Variants in KDM6A observed in about 807,000 individuals in gnomAD.
The protein encoded by KDM6A is lysine demethylase 6A, also known as lysine-specific demethylase 6A.
Under a neutral mutation model 117.6 loss-of-function variants are expected in KDM6A, and 11 were observed. That is an observed-to-expected ratio of 0.09 (90% CI 0.06 to 0.15). The LOEUF (loss-of-function observed/expected upper bound fraction) is 0.15. Among genes scored for constraint, KDM6A ranks in the 10% least tolerant of loss-of-function variants. The probability of loss-of-function intolerance (pLI) is 1.00; values close to 1 mark genes in which losing one functional copy is unlikely to be tolerated. For synonymous variants in KDM6A, 384 were observed against 396.1 expected (o/e 0.97, Z 0.36); for missense variants, 799 against 1,077.3 (o/e 0.74, Z 3.62).
At chrX:44,966,511 T>C (rs2039018778) in intron 3 of KDM6A, among the ~76,000 whole-genome samples, 1 of 111,145 alleles carries the variant, frequency 9.0e-6, no homozygotes, top group South Asian at 3.8e-4. Context: ...TTTTCTTTTT[T>C]GGAAGGGAGG....
At chrX:44,951,474 A>T (rs1231070702) in intron 2 of KDM6A, among the ~76,000 whole-genome samples, 1 of 111,684 alleles carries the variant, frequency 9.0e-6, no homozygotes, top group Non-Finnish European at 1.9e-5. Flanking sequence ...TGTCTTTTGA[A>T]TATGGGAACT....
At chrX:44,883,562 T>C (rs984441406) in intron 2 of KDM6A, among the ~76,000 whole-genome samples, 2 of 109,615 alleles carry the variant, frequency 1.8e-5, no homozygotes, top group Non-Finnish European at 3.8e-5. Context: ...TTAGTAGAGA[T>C]GGGGTTTCAC....
intron 2 of KDM6A, among the ~76,000 whole-genome samples, chrX:44,880,042 G>A (rs772427072): frequency 5.0e-4 from 54 of 108,520 alleles, no homozygotes; most frequent in Non-Finnish European, 9.2e-4. Flanking sequence ...GCGTGGTGGC[G>A]TGCACCTGTA....
At position 45,051,715 on chromosome X, in the gene KDM6A, T is replaced by A. The variant is rs752296871; in HGVS notation, c.661T>A (p.Tyr221Asn). 6.1e-6 allele frequency: 7 copies of A among 1,149,376 alleles called. No individual in the cohort carries two copies. Among genetic ancestry groups the A allele is most frequent in the Non-Finnish European group, 7.1e-6 (6 of 843,298 alleles). 94.7% of individuals were successfully genotyped at this position (1,149,376 alleles called of 1,213,427 possible). A position where few individuals can be genotyped will look rare whatever the true frequency, so the allele number is the denominator to read the frequency against. ...CTCTTTTTCTGTTCTTTAGAGGAAATATCATTCTGCAAAAGAAGCTTATGA... is the reference window on the plus strand; with the variant it reads ...CTCTTTTTCTGTTCTTTAGAGGAAAAATCATTCTGCAAAAGAAGCTTATGA... ...IAHLYETQRK[Y>N]HSAKEAYEQL... Residue 221 changes from tyrosine (Y) to asparagine (N), a missense_variant, in exon 9 of 30, where the codon TAT becomes AAT. This residue lies in a region of KDM6A where 63 missense variants were observed against 68.2 expected (regional missense o/e 0.92). Coordinates refer to ENST00000611820, the MANE Select transcript of KDM6A (RefSeq NM_001291415.2).
intron 2 of KDM6A, among the ~76,000 whole-genome samples, chrX:44,923,971 C>T (rs767658741): frequency 8.0e-5 from 9 of 111,862 alleles, no homozygotes; most frequent in Non-Finnish European, 1.5e-4. Context: ...GATCCATCTG[C>T]CACGGCCTCC....
At chrX:44,964,778 A>G (rs1259459115) in intron 3 of KDM6A, among the ~76,000 whole-genome samples, 1 of 111,803 alleles carries the variant, frequency 8.9e-6, no homozygotes, top group East Asian at 2.8e-4. Flanking sequence ...GATTTTCTGA[A>G]TGGTAAATGA....
intron 3 of KDM6A, among the ~76,000 whole-genome samples, chrX:44,964,598 G>A (rs2038912916): frequency 9.0e-6 from 1 of 111,646 alleles, no homozygotes; most frequent in East Asian, 2.8e-4. Context: ...TGCATTGTCG[G>A]TGAGCAATAA....
At chrX:44,900,305 T>C (rs1293770755) in intron 2 of KDM6A, among the ~76,000 whole-genome samples, 1 of 112,006 alleles carries the variant, frequency 8.9e-6, no homozygotes, top group African/African-American at 3.2e-5. Context: ...CGTACAGATA[T>C]GTTTCTGTAT....
Position 44,925,697 on chromosome X carries a change from C to A in KDM6A, c.226-35587C>A, listed in dbSNP as rs765629736. Among the ~76,000 whole-genome samples, 3 of 111,125 alleles carry A rather than the reference C, an allele frequency of 2.7e-5. No individual in the cohort carries two copies. The South Asian group carries it at 1.1e-3, about 42-fold the overall frequency. The stretch of plus-strand genomic sequence containing the variant: ...GTATAGGAGTGAAAGGATCAAGTGC[C>A]ACATAGAATAAGTGTCCTAATGCAA... On this transcript the variant is annotated intron_variant, in intron 2 of 29. Transcript: ENST00000611820.
chrX:45,081,806 TCTCA>T (rs1196577159), intron 21 of KDM6A, among the ~76,000 whole-genome samples: 2 of 109,407 alleles, frequency 1.8e-5, no homozygotes, highest in African/African-American at 3.3e-5. Flanking sequence ...TTTAGACGAG[TCTCA>T]CTCTGTCGCC....
intron 6 of KDM6A, among the ~76,000 whole-genome samples, chrX:45,028,795 C>T (rs1251394914): frequency 8.9e-6 from 1 of 112,395 alleles, no homozygotes; most frequent in Non-Finnish European, 1.9e-5. Context: ...GCCTGCCCAA[C>T]TTTGGTTTTC....
At chrX:44,877,515 CA>C (rs2031787222) in intron 2 of KDM6A, among the ~76,000 whole-genome samples, 1 of 103,640 alleles carries the variant, frequency 9.6e-6, no homozygotes, top group Non-Finnish European at 2.0e-5. Flanking sequence ...TTTTTTAGTA[CA>C]TTTTTGAAAA....
intron 3 of KDM6A, among the ~76,000 whole-genome samples, chrX:44,971,710 C>T (rs1369548072): frequency 9.0e-6 from 1 of 110,647 alleles, no homozygotes; most frequent in East Asian, 2.8e-4. Flanking sequence ...ACCCTGGGGT[C>T]GTTTGTTGGT....
At chrX:44,905,310 C>G (rs1013279599) in intron 2 of KDM6A, among the ~76,000 whole-genome samples, 2 of 112,132 alleles carry the variant, frequency 1.8e-5, no homozygotes, top group Non-Finnish European at 3.8e-5. Context: ...CATATTTTTA[C>G]TGTACCTTTT....
At chrX:44,923,881 C>T (rs1569441255) in intron 2 of KDM6A, among the ~76,000 whole-genome samples, 1 of 111,164 alleles carries the variant, frequency 9.0e-6, no homozygotes, top group African/African-American at 3.3e-5. Context: ...TGCCACCTCG[C>T]CTGGCTAATT....
intron 8 of KDM6A, among the ~76,000 whole-genome samples, chrX:45,048,951 G>C (rs775634146): frequency 9.1e-6 from 1 of 110,364 alleles, no homozygotes; most frequent in South Asian, 3.8e-4. Context: ...ATTGTATTTT[G>C]CTTCTACTTG....
chrX:45,069,643 C>T lies in KDM6A; in HGVS notation c.2144C>T (p.Thr715Ile), dbSNP rs2044721800. 3.3e-6 allele frequency: 4 copies of T among 1,210,640 alleles called. No homozygotes were observed. The highest frequency in any genetic ancestry group is 4.5e-6 in the Non-Finnish European group (4 of 894,683). The change falls in exon 18 of 30, where the codon ACT (threonine) becomes ATT (isoleucine). Residue 715 changes from threonine (T) to isoleucine (I), a missense_variant. Physicochemically the swap from Thr to Ile is moderately conservative, Grantham distance 89. Around this residue, in one of 8 missense-constraint regions of KDM6A, gnomAD observed 301 missense variants for 318.3 expected, o/e 0.95. Transcript: ENST00000611820. ...GPNGERPLSS[T>I]GPSQHLQAAG... is the part of the protein sequence containing the mutation. ...AATGGTGAACGACCTCTCTCTTCCA[C>T]TGGGCCTTCCCAGCATCTCCAGGCA...
intron 6 of KDM6A, among the ~76,000 whole-genome samples, chrX:45,024,527 G>A (rs1045457138): frequency 2.7e-5 from 3 of 111,107 alleles, no homozygotes; most frequent in African/African-American, 9.8e-5. Context: ...GTTCCTTGTA[G>A]ATTCTGGATA....
chrX:45,003,701 CTCTCTCTCTCTTTCTT>C (rs2041271096), intron 4 of KDM6A, among the ~76,000 whole-genome samples: 1 of 109,199 alleles, frequency 9.2e-6, no homozygotes, highest in Non-Finnish European at 1.9e-5. Flanking sequence ...CTACTTATCT[CTCTCTCTCTCTTTCTT>C]TCTCTCTTTG....
Sources: allele counts gnomAD v4.1 joint callset (sites outside exome capture counted in the v4.1 genomes callset), GRCh38; gene constraint gnomAD v4.1.1; regional missense constraint gnomAD v4.1.1; transcripts MANE v1.5; gene names NCBI Gene and HGNC (gene_info 2026-07-23, HGNC 2026-07-21).